The following GEMIN5 variants were observed in gnomAD, a reference collection of about 807,000 sequenced individuals.
GEMIN5 encodes gem nuclear organelle associated protein 5, also known as gem-associated protein 5.
GEMIN5 carries 124 observed loss-of-function variants against 176.9 expected under a neutral mutation model. The ratio of observed to expected loss-of-function variants is 0.70; its 90% CI spans 0.61 to 0.81. The LOEUF (loss-of-function observed/expected upper bound fraction) is 0.81, where lower values mean the gene tolerates loss of function less well. Ranked by LOEUF, GEMIN5 falls within the 40% of genes least tolerant of loss-of-function variation. GEMIN5 has a pLI of 0.00. For synonymous variants in GEMIN5, 673 were observed against 665.2 expected (o/e 1.01, Z -0.18); for missense variants, 1,843 against 1,814.6 (o/e 1.02, Z -0.28).
rs1763495720 is a variant in GEMIN5 at position 154,902,962 on chromosome 5, G to A, written c.2728+118C>T. 16 of 714,356 alleles carry A rather than the reference G, an allele frequency of 2.2e-5. 1 individual carries two copies. In the South Asian group the frequency reaches 2.9e-4, roughly 13 times the overall value. 44.3% of individuals were successfully genotyped at this position (714,356 alleles called of 1,614,324 possible). ...AATCAGGGAGCTCAAAACCTAGTTAGCTGACACGTAAAACTAACCATTATA... is the reference window on the plus strand; with the variant it reads ...AATCAGGGAGCTCAAAACCTAGTTAACTGACACGTAAAACTAACCATTATA... On this transcript the variant is annotated intron_variant, in intron 19 of 27. Coordinates refer to ENST00000285873, the MANE Select transcript of GEMIN5 (RefSeq NM_015465.5).
intron 9 of GEMIN5, among the ~76,000 whole-genome samples, chr5:154,923,554 T>A (rs999368828): frequency 6.6e-6 from 1 of 152,268 alleles, no homozygotes; most frequent in Non-Finnish European, 1.5e-5. Flanking sequence ...CCAGACAGAA[T>A]GTAAACAAAG....
At chr5:154,903,853 G>A (rs1464784108) in intron 18 of GEMIN5, among the ~76,000 whole-genome samples, 1 of 151,680 alleles carries the variant, frequency 6.6e-6, no homozygotes, top group Non-Finnish European at 1.5e-5. Flanking sequence ...TTTAAATAGA[G>A]AGAGGGTCTC....
intron 2 of GEMIN5, 76 bp downstream of exon 2, chr5:154,936,949 C>A: frequency 8.5e-7 from 1 of 1,169,996 alleles, no homozygotes; most frequent in South Asian, 1.6e-5. Context: ...GATGAGCTAG[C>A]AAAACTAGCT....
rs1582647331 is a variant in GEMIN5, at chr5:154,891,577, G to A, written c.3926C>T (p.Thr1309Ile). 2 of 1,614,138 alleles carry A rather than the reference G, an allele frequency of 1.2e-6. No homozygotes were observed. The highest frequency in any genetic ancestry group is 8.5e-7 in the Non-Finnish European group (1 of 1,179,990). The stretch of plus-strand genomic sequence containing the variant: ...CTGCTGGCTTGGCTCAACAGAGAGT[G>A]TTCTGTGACCAGCCCTTACCCAGAC... ...SSVWVRAGHRTLSVEPSQQLD... is the reference protein window; with the variant it reads ...SSVWVRAGHRILSVEPSQQLD... Residue 1309 changes from threonine (T) to isoleucine (I), a missense_variant, in exon 26 of 28, where the codon ACA becomes ATA. By Grantham distance (89) the Thr-to-Ile change is moderately conservative (BLOSUM62 -1). Transcript: ENST00000285873.
At chr5:154,897,263 C>A (rs1005171655) in intron 23 of GEMIN5, among the ~76,000 whole-genome samples, 1 of 152,172 alleles carries the variant, frequency 6.6e-6, no homozygotes, top group African/African-American at 2.4e-5. Flanking sequence ...TAAAAACCAT[C>A]TGTAGGCCCT....
At chr5:154,903,009 C>T (rs1392743048) in intron 19 of GEMIN5, 71 bp downstream of exon 19, 1 of 1,003,050 alleles carries the variant, frequency 1.0e-6, no homozygotes, top group Non-Finnish European at 1.5e-6. Flanking sequence ...TGACAGCCAT[C>T]AAAGAGGTGC....
chr5:154,919,871 T>C, intron 11 of GEMIN5, 96 bp downstream of exon 11: 2 of 1,039,416 alleles, frequency 1.9e-6, no homozygotes, highest in Non-Finnish European at 2.9e-6. Context: ...AGTATGATGA[T>C]GGTAATCTCC....
chr5:154,916,664 A>G (rs1273125312), intron 13 of GEMIN5, among the ~76,000 whole-genome samples: 1 of 151,692 alleles, frequency 6.6e-6, no homozygotes, highest in East Asian at 1.9e-4. Flanking sequence ...TTTGTTTTTT[A>G]TTTTCAATTT....
chr5:154,930,079 T>A (rs564848613), intron 5 of GEMIN5, among the ~76,000 whole-genome samples: 2 of 152,060 alleles, frequency 1.3e-5, no homozygotes, highest in Non-Finnish European at 2.9e-5. Context: ...ACCTGCTCCA[T>A]CCTGACTCAT....
intron 10 of GEMIN5, 36 bp downstream of exon 10, chr5:154,921,307 C>T (rs1763915584): frequency 2.2e-6 from 2 of 896,498 alleles, no homozygotes; most frequent in African/African-American, 1.6e-5. Context: ...AGGAAGAATA[C>T]TCTCATATTT....
chr5:154,896,367 G>A, intron 23 of GEMIN5, 24 bp from the exon 24 acceptor site: 1 of 1,543,374 alleles, frequency 6.5e-7, no homozygotes, highest in Non-Finnish European at 8.7e-7. Context: ...ACAAGGAAGA[G>A]GAACTGTTAT....
At chr5:154,908,921 A>G (rs990148855) in intron 15 of GEMIN5, among the ~76,000 whole-genome samples, 5 of 152,096 alleles carry the variant, frequency 3.3e-5, no homozygotes, top group African/African-American at 1.2e-4. Context: ...AAAAATTGTT[A>G]CTATGATGAC....
chr5:154,936,483 ATGG>A (rs1010203023), intron 2 of GEMIN5, among the ~76,000 whole-genome samples: 1 of 152,240 alleles, frequency 6.6e-6, no homozygotes, highest in African/African-American at 2.4e-5. Context: ...TATTAACAAA[ATGG>A]TGGGAAGATT....
At chr5:154,918,142 T>G in intron 11 of GEMIN5, 138 bp from the exon 12 acceptor site, 1 of 615,798 alleles carries the variant, frequency 1.6e-6, no homozygotes, top group South Asian at 2.0e-5. Context: ...TCTACATAAT[T>G]AGTAAAAGGA....
Position 154,888,394 on chromosome 5 carries a change from T to A in GEMIN5, c.4360-17A>T. The stretch of plus-strand genomic sequence containing the variant: ...GGGCCAGGCCTGAAAGACGATGACA[T>A]GAGGATGAATAAGGAAGCATTTGCA... On this transcript the variant is annotated splice_polypyrimidine_tract_variant and intron_variant, in intron 27 of 27. Transcript: ENST00000285873. 1 of 1,607,290 alleles carries A rather than the reference T, an allele frequency of 6.2e-7. No individual in the cohort carries two copies.
intron 13 of GEMIN5, among the ~76,000 whole-genome samples, chr5:154,914,782 A>G (rs1011765441): frequency 6.6e-6 from 1 of 152,248 alleles, no homozygotes; most frequent in African/African-American, 2.4e-5. Context: ...ATAGTTGTGT[A>G]TATTTTAAGG....
intron 18 of GEMIN5, among the ~76,000 whole-genome samples, chr5:154,903,485 C>CA (rs1186980132): frequency 2.7e-5 from 4 of 150,090 alleles, no homozygotes; most frequent in South Asian, 2.1e-4. Flanking sequence ...TCCTTTGCTT[C>CA]AAAAAAAAAG....
chr5:154,921,522 A>T (rs192531794), intron 9 of GEMIN5, 97 bp from the exon 10 acceptor site: 2 of 661,526 alleles, frequency 3.0e-6, no homozygotes, highest in Admixed American at 6.3e-5. Flanking sequence ...CATTATAAAC[A>T]TAACTACTAA....
At chr5:154,901,964 A>G (rs1163989723) in intron 20 of GEMIN5, among the ~76,000 whole-genome samples, 1 of 152,096 alleles carries the variant, frequency 6.6e-6, no homozygotes, top group Non-Finnish European at 1.5e-5. Flanking sequence ...CCATGCCCAG[A>G]TAATTTTTTA....
Sources: gnomAD v4.1 joint callset for allele counts (sites outside exome capture counted in the v4.1 genomes callset) on GRCh38, gnomAD v4.1.1 for gene constraint, MANE v1.5 for transcripts, NCBI Gene and HGNC (gene_info 2026-07-23, HGNC 2026-07-21) for gene names.